The following NTRK2 variants were observed in gnomAD, a reference collection of about 807,000 sequenced individuals.
NTRK2 encodes neurotrophic receptor tyrosine kinase 2.
A neutral mutation model predicts 94.5 loss-of-function variants in NTRK2; 13 were observed. The observed-to-expected ratio is 0.14, with a 90% CI of 0.09 to 0.22. The LOEUF is 0.22. Among genes scored for constraint, NTRK2 ranks in the 10% least tolerant of loss-of-function variants. NTRK2 has a pLI of 1.00. For missense variants in NTRK2, 639 were observed against 1,071.2 expected (o/e 0.60, Z 5.63); for synonymous variants, 372 against 407.4 (o/e 0.91, Z 1.05).
chr9:84,960,041 T>A (rs1824715384), intron 17 of NTRK2, among the ~76,000 whole-genome samples: 1 of 152,236 alleles, frequency 6.6e-6, no homozygotes, highest in African/African-American at 2.4e-5. Flanking sequence ...TGTCCTTTAA[T>A]TTATCTTCCA....
At chr9:84,967,506 G>T (rs995923631) in intron 17 of NTRK2, among the ~76,000 whole-genome samples, 4 of 152,236 alleles carry the variant, frequency 2.6e-5, no homozygotes, top group Non-Finnish European at 5.9e-5. Context: ...AGCTATTTTA[G>T]AATCCGAACA....
At chr9:84,729,256 A>G (rs1434541561) in intron 9 of NTRK2, among the ~76,000 whole-genome samples, 11 of 152,246 alleles carry the variant, frequency 7.2e-5, no homozygotes, top group Admixed American at 7.2e-4. Flanking sequence ...GTATATTCAA[A>G]ATGTGATTTG....
intron 14 of NTRK2, among the ~76,000 whole-genome samples, chr9:84,901,343 C>T (rs192857145): frequency 1.1e-3 from 170 of 152,084 alleles, no homozygotes; most frequent in Non-Finnish European, 1.8e-3. Context: ...CTGCCTCAGC[C>T]TCCTGATTAG....
intron 12 of NTRK2, among the ~76,000 whole-genome samples, chr9:84,835,670 A>G (rs1216496624): frequency 6.6e-6 from 1 of 152,164 alleles, no homozygotes; most frequent in East Asian, 1.9e-4. Context: ...GTCTCTCAAA[A>G]TCATTGCTGA....
chr9:84,835,529 A>T (rs2073821057), intron 12 of NTRK2, among the ~76,000 whole-genome samples: 1 of 151,902 alleles, frequency 6.6e-6, no homozygotes, highest in Non-Finnish European at 1.5e-5. Context: ...AACAACAACA[A>T]GAACAACAAG....
chr9:84,915,219 A>G (rs1490663259), intron 14 of NTRK2, among the ~76,000 whole-genome samples: 1 of 152,110 alleles, frequency 6.6e-6, no homozygotes, highest in African/African-American at 2.4e-5. Context: ...GTACCAGTCC[A>G]TAGTCAGGGG....
At chr9:84,676,438 T>A (rs902670589) in intron 2 of NTRK2, among the ~76,000 whole-genome samples, 1 of 152,180 alleles carries the variant, frequency 6.6e-6, no homozygotes, top group Non-Finnish European at 1.5e-5. Flanking sequence ...CTAACAAGGC[T>A]AGTGGCATGT....
chr9:84,808,712 G>C (rs2071409056), intron 12 of NTRK2, among the ~76,000 whole-genome samples: 1 of 152,208 alleles, frequency 6.6e-6, no homozygotes, highest in African/African-American at 2.4e-5. Flanking sequence ...AAATTCTTAG[G>C]GCTTTTGTGG....
intron 17 of NTRK2, among the ~76,000 whole-genome samples, chr9:84,979,503 C>T (rs1827316556): frequency 6.6e-6 from 1 of 152,116 alleles, no homozygotes. Flanking sequence ...CATGAATGAA[C>T]AAATAAAGTG....
intron 12 of NTRK2, among the ~76,000 whole-genome samples, chr9:84,854,289 C>A (rs1239545708): frequency 6.6e-6 from 1 of 152,064 alleles, no homozygotes; most frequent in African/African-American, 2.4e-5. Context: ...CACAGTGTAA[C>A]CCACTGGATA....
At chr9:84,879,517 C>T (rs1331811924) in intron 14 of NTRK2, among the ~76,000 whole-genome samples, 1 of 151,762 alleles carries the variant, frequency 6.6e-6, no homozygotes, top group African/African-American at 2.4e-5. Context: ...TGGGCCAGGC[C>T]CCATGGATTG....
At chr9:84,997,304 G>C (rs146413117) in intron 17 of NTRK2, among the ~76,000 whole-genome samples, 2 of 152,130 alleles carry the variant, frequency 1.3e-5, no homozygotes, top group African/African-American at 4.8e-5. Context: ...CCAGGATGGG[G>C]GTCAAGAAGA....
chr9:85,018,815 C>T (rs1832523401), intron 17 of NTRK2, among the ~76,000 whole-genome samples: 1 of 152,172 alleles, frequency 6.6e-6, no homozygotes, highest in Non-Finnish European at 1.5e-5. Flanking sequence ...GTCCATTGAA[C>T]ACTGATGACC....
At position 85,021,499 on chromosome 9, in the gene NTRK2, A is replaced by G. The variant is rs1832777323; in HGVS notation, c.*62A>G. ...CCTCAGACGGGCTGAGAGGATGAAC[A>G]TCTTTTAACTGCCGCTGGAGGCCAC... On this transcript the variant is annotated 3_prime_UTR_variant, in exon 19 of 19. Coordinates refer to ENST00000277120, the MANE Select transcript of NTRK2 (RefSeq NM_006180.6). 2 of 1,547,012 alleles carry G rather than the reference A, an allele frequency of 1.3e-6. No homozygotes were observed. The highest frequency in any genetic ancestry group is 2.2e-5 in the South Asian group (2 of 89,404).
intron 8 of NTRK2, among the ~76,000 whole-genome samples, chr9:84,725,985 C>T (rs1460590797): frequency 3.9e-5 from 6 of 152,148 alleles, no homozygotes; most frequent in African/African-American, 1.4e-4. Flanking sequence ...CTTTTATCGG[C>T]TTTGCTTCTT....
At chr9:84,953,099 G>A (rs7026337) in intron 16 of NTRK2, among the ~76,000 whole-genome samples, 9,597 of 152,190 alleles carry the variant, frequency 0.063, 330 homozygotes, top group Admixed American at 0.075. Context: ...ATTTAAGGAA[G>A]ACAAGTGAAA....
intron 12 of NTRK2, among the ~76,000 whole-genome samples, chr9:84,800,041 G>C (rs1471238085): frequency 2.0e-5 from 3 of 152,168 alleles, no homozygotes; most frequent in African/African-American, 7.2e-5. Flanking sequence ...AATTTAGTTA[G>C]GGTTTGGTTC....
At chr9:84,942,049 T>C (rs527884039) in intron 15 of NTRK2, among the ~76,000 whole-genome samples, 3 of 152,310 alleles carry the variant, frequency 2.0e-5, no homozygotes, top group African/African-American at 7.2e-5. Context: ...ATTAAAGTCC[T>C]GTCAAAGGAG....
chr9:84,972,193 A>G (rs2133147757), intron 17 of NTRK2, among the ~76,000 whole-genome samples: 1 of 152,320 alleles, frequency 6.6e-6, no homozygotes, highest in Non-Finnish European at 1.5e-5. Flanking sequence ...TCTGCTACAT[A>G]GATGAGGATA....
Sources: allele counts gnomAD v4.1 joint callset (sites outside exome capture counted in the v4.1 genomes callset), GRCh38; gene constraint gnomAD v4.1.1; transcripts MANE v1.5; gene names NCBI Gene and HGNC (gene_info 2026-07-23, HGNC 2026-07-21).